Variants in BIN2 observed in about 807,000 individuals in gnomAD.
BIN2 encodes the protein breast cancer associated protein BRAP1.
Under a neutral mutation model 67.9 loss-of-function variants are expected in BIN2, and 43 were observed. The ratio of observed to expected loss-of-function variants is 0.63; its 90% CI spans 0.50 to 0.82. The LOEUF (loss-of-function observed/expected upper bound fraction) is 0.82. BIN2 is among the 40% of genes least tolerant of loss of function. BIN2 has a pLI of 0.00. For missense variants in BIN2, 581 were observed against 671.6 expected (o/e 0.87, Z 1.49); for synonymous variants, 244 against 246.8 (o/e 0.99, Z 0.11).
intron 1 of BIN2, among the ~76,000 whole-genome samples, chr12:51,317,369 C>T (rs1425134965): frequency 1.3e-5 from 2 of 152,184 alleles, no homozygotes; most frequent in East Asian, 1.9e-4. Context: ...ATTTTCTAGA[C>T]TGAAATAGAG....
intron 9 of BIN2, among the ~76,000 whole-genome samples, chr12:51,295,276 C>T (rs1945507435): frequency 6.6e-6 from 1 of 150,598 alleles, no homozygotes; most frequent in South Asian, 2.1e-4. Flanking sequence ...TGGCCGGGCG[C>T]GGTGGCTCAC....
chr12:51,288,613 C>A (rs1361709510), intron 10 of BIN2, among the ~76,000 whole-genome samples: 2 of 152,070 alleles, frequency 1.3e-5, no homozygotes, highest in African/African-American at 4.8e-5. Flanking sequence ...TCATACCCCA[C>A]CTCCTAGAAA....
intron 4 of BIN2, chr12:51,302,389 G>A (rs1945748806): frequency 1.9e-6 from 1 of 527,376 alleles, no homozygotes; most frequent in African/African-American, 1.9e-5. Context: ...GTTTAAGAGT[G>A]TATAACTGCA....
At chr12:51,305,872 C>T (rs1304949528) in intron 2 of BIN2, among the ~76,000 whole-genome samples, 5 of 125,194 alleles carry the variant, frequency 4.0e-5, no homozygotes, top group Non-Finnish European at 6.3e-5. Context: ...CTCGCTCTGT[C>T]GCCCAGGCTG....
chr12:51,309,400 T>C (rs1034651852), intron 2 of BIN2, among the ~76,000 whole-genome samples: 9 of 152,232 alleles, frequency 5.9e-5, no homozygotes, highest in African/African-American at 1.9e-4. Context: ...GTCTCATTCA[T>C]GCTGAAGTCC....
At chr12:51,324,552 G>A (rs1317785632), upstream of BIN2, 6 of 1,527,896 alleles carry the variant, frequency 3.9e-6, no homozygotes, top group South Asian at 2.4e-5. Flanking sequence ...GTATGCATGC[G>A]AAGCCGCCAT....
intron 2 of BIN2, among the ~76,000 whole-genome samples, chr12:51,307,371 T>A (rs9788179): frequency 0.19 from 28,274 of 151,720 alleles, 2,792 homozygotes; most frequent in South Asian, 0.24. Context: ...CATGAAAATT[T>A]TATTTCAAAA....
intron 1 of BIN2, chr12:51,322,989 G>C (rs1946325445): frequency 6.6e-6 from 1 of 152,158 alleles, no homozygotes; most frequent in African/African-American, 2.4e-5. Context: ...GAAGATAATA[G>C]GGATATTTCA....
intron 11 of BIN2, 28 bp from the exon 12 acceptor site, chr12:51,284,815 G>A (rs1306113279): frequency 6.4e-7 from 1 of 1,564,094 alleles, no homozygotes; most frequent in South Asian, 1.1e-5. Flanking sequence ...CTGCCAGTAA[G>A]AGGTGGCTCA....
At chr12:51,294,405 A>G (rs992798174) in intron 9 of BIN2, among the ~76,000 whole-genome samples, 32 of 152,134 alleles carry the variant, frequency 2.1e-4, no homozygotes, top group African/African-American at 7.5e-4. Context: ...CGTCTCTACT[A>G]AAAATACAAA....
At chr12:51,306,010 G>A (rs1945858387) in intron 2 of BIN2, among the ~76,000 whole-genome samples, 1 of 151,438 alleles carries the variant, frequency 6.6e-6, no homozygotes, top group Non-Finnish European at 1.5e-5. Context: ...CTAATTTTTT[G>A]TATTTTTAGT....
At chr12:51,287,919 G>A (rs1037693501) in intron 11 of BIN2, among the ~76,000 whole-genome samples, 189 bp downstream of exon 11, 1 of 152,176 alleles carries the variant, frequency 6.6e-6, no homozygotes, top group Admixed American at 6.5e-5. Flanking sequence ...CCAAAGTGCT[G>A]GGATTACAGG....
Position 51,297,165 on chromosome 12 carries a change from C to T in BIN2, c.603-1G>A. The T allele has an allele frequency of 7.4e-6, 12 of 1,613,482 alleles. No individual in the cohort carries two copies. Among genetic ancestry groups the T allele is most frequent in the Non-Finnish European group, 1.0e-5 (12 of 1,179,468 alleles). Reference sequence around the variant, plus strand: ...GATGGTCACATAGCAGCCAATACGACTATTAGGAAGCAAAACCACAAACAC... The same window carrying T: ...GATGGTCACATAGCAGCCAATACGATTATTAGGAAGCAAAACCACAAACAC... On this transcript the variant is annotated splice_acceptor_variant, in intron 7 of 12. Transcript: ENST00000615107. LOFTEE classifies it high-confidence loss of function.
chr12:51,288,073 G>A, intron 11 of BIN2, 35 bp downstream of exon 11: 1 of 1,410,118 alleles, frequency 7.1e-7, no homozygotes, highest in Non-Finnish European at 1.0e-6. Context: ...AAAAAAATAG[G>A]GCATCATCAT....
intron 2 of BIN2, among the ~76,000 whole-genome samples, chr12:51,306,552 G>A (rs564373653): frequency 1.3e-3 from 193 of 152,310 alleles, no homozygotes; most frequent in Non-Finnish European, 2.1e-3. Context: ...ACTTGCACCC[G>A]GAAGGTGGAG....
intron 11 of BIN2, among the ~76,000 whole-genome samples, chr12:51,286,002 C>T (rs80291758): frequency 0.016 from 2,447 of 152,276 alleles, 70 homozygotes; most frequent in African/African-American, 0.056. Context: ...TCCCTCCTCC[C>T]TTTCCAGGTC....
chr12:51,288,219 A>G lies in BIN2; in HGVS notation c.1516-31T>C, dbSNP rs190681802. 2.2e-4 allele frequency: 352 copies of G among 1,582,028 alleles called. 2 individuals carry two copies. The African/African-American group carries it at 4.4e-3, about 20-fold the overall frequency. On this transcript the variant is annotated intron_variant, in intron 10 of 12. Coordinates refer to ENST00000615107, the MANE Select transcript of BIN2 (RefSeq NM_016293.4). ...AATCAAAGTGAACAATGGAGGAGAG[A>G]GTCCCACACCTTCCACCTGGGGGCC...
At chr12:51,299,090 G>A (rs1485858286) in intron 7 of BIN2, 113 bp downstream of exon 7, 59 of 619,302 alleles carry the variant, frequency 9.5e-5, no homozygotes, top group Middle Eastern at 4.5e-4. Flanking sequence ...AAAAAAAAAG[G>A]GGGCGGGGCA....
At chr12:51,283,172 G>A (rs1262834635) in intron 12 of BIN2, among the ~76,000 whole-genome samples, 3 of 149,578 alleles carry the variant, frequency 2.0e-5, no homozygotes, top group African/African-American at 7.4e-5. Flanking sequence ...CAGGAGAATC[G>A]CTTGAACCCA....
Sources: gnomAD v4.1 joint callset for allele counts (sites outside exome capture counted in the v4.1 genomes callset) on GRCh38, gnomAD v4.1.1 for gene constraint, MANE v1.5 for transcripts, NCBI Gene and HGNC (gene_info 2026-07-23, HGNC 2026-07-21) for gene names.